The following SLC25A52 variants were observed in gnomAD, a reference collection of about 807,000 sequenced individuals.
The protein encoded by SLC25A52 is mitochondrial nicotinamide adenine dinucleotide transporter SLC25A52.
SLC25A52 carries 12 observed loss-of-function variants against 17.7 expected under a neutral mutation model. That is an observed-to-expected ratio of 0.68 (90% CI 0.43 to 1.10). The LOEUF (loss-of-function observed/expected upper bound fraction) is 1.10. Among genes scored for constraint, SLC25A52 ranks in the 50% least tolerant of loss-of-function variants. The probability of loss-of-function intolerance (pLI) is 0.00; values close to 1 mark genes in which losing one functional copy is unlikely to be tolerated. For synonymous variants in SLC25A52, 108 were observed against 135.1 expected, an observed-to-expected ratio of 0.80 and a Z score of 1.39; for missense variants, 298 against 364.9, an observed-to-expected ratio of 0.82 and a Z score of 1.49.
In SLC25A52 at chr18:31,760,661, TG is replaced by T; in HGVS notation, c.-1del. On this transcript the variant is annotated 5_prime_UTR_variant, in exon 1 of 1. Transcript: ENST00000269205. ...TTTTCATGAGCTTCTGAATCTATCA[TG>T]TTGCTTAAGATCTTTCTCATGAAGG... The T allele has an allele frequency of 6.2e-7, 1 of 1,600,806 alleles. No individual in the cohort carries two copies. Among genetic ancestry groups the T allele is most frequent in the South Asian group, 1.1e-5 (1 of 88,518 alleles).
In SLC25A52 at chr18:31,760,114, T is replaced by C; in HGVS notation, c.548A>G (p.Asn183Ser). 1 of 1,612,444 alleles carries C rather than the reference T, an allele frequency of 6.2e-7. No homozygotes were observed. Among genetic ancestry groups the C allele is most frequent in the Non-Finnish European group, 8.5e-7 (1 of 1,179,840 alleles). Reference sequence around the variant, plus strand: ...GAAAAACAAGACATTGCTGAGTCCATTCCGGAAAAGAATGGGCACCAAGCC... The same window carrying C: ...GAAAAACAAGACATTGCTGAGTCCACTCCGGAAAAGAATGGGCACCAAGCC... ...YRGLVPILFR[N>S]GLSNVLFFGL... is the part of the protein sequence containing the mutation. Residue 183 changes from asparagine to serine, a missense_variant, in exon 1 of 1, where the codon AAT (asparagine) becomes AGT (serine). Physicochemically the swap from Asn to Ser is conservative, Grantham distance 46. Transcript: ENST00000269205.
At position 31,760,807 on chromosome 18, in the gene SLC25A52, T is replaced by C; in HGVS notation, c.-146A>G. ...GTTAGGTTCTCTCTTCCCGAGTCCA[T>C]TTTGATAACTGGATTTCCGTTCTCC... On this transcript the variant is annotated 5_prime_UTR_variant, in exon 1 of 1. The change abolishes an upstream ATG in the 5' untranslated region. Coordinates refer to ENST00000269205, the MANE Select transcript of SLC25A52 (RefSeq NM_001034172.4). 1.7e-6 allele frequency: 2 copies of C among 1,153,048 alleles called. No homozygotes were observed. Among genetic ancestry groups the C allele is most frequent in the Non-Finnish European group, 2.4e-6 (2 of 821,000 alleles). The allele number at this position is 1,153,048 out of a possible 1,614,324, so 71.4% of individuals were successfully genotyped here. A position where few individuals can be genotyped will look rare whatever the true frequency, so the allele number is the denominator to read the frequency against.
Position 31,760,416 on chromosome 18 carries a change from A to G in SLC25A52, c.246T>C (p.Arg82=). 1 of 1,614,248 alleles carries G rather than the reference A, an allele frequency of 6.2e-7. No individual in the cohort carries two copies. The highest frequency in any genetic ancestry group is 8.5e-7 in the Non-Finnish European group (1 of 1,180,050). The change falls in exon 1 of 1, where the codon CGT becomes CGC. Residue 82 remains arginine, a synonymous_variant. Transcript: ENST00000269205. ...LRRDGFRNLY[R]GILPPLMQKT... is the part of the protein sequence containing the mutation. ...TCTGCATCAATGGGGGAAGGATTCC[A>G]CGATACAAATTTCGAAATCCATCCC...
rs375725336 is a variant in SLC25A52 at position 31,759,761 on chromosome 18, T to C, written c.*7A>G. The stretch of plus-strand genomic sequence containing the variant: ...TTGATAAATGGCACTTAACTGATGG[T>C]TTTTTTTCATATAAATTTTAACAAG... On this transcript the variant is annotated 3_prime_UTR_variant, in exon 1 of 1. Coordinates refer to ENST00000269205, the MANE Select transcript of SLC25A52 (RefSeq NM_001034172.4). 3.1e-6 allele frequency: 5 copies of C among 1,597,298 alleles called. No individual in the cohort carries two copies. Among genetic ancestry groups the C allele is most frequent in the Non-Finnish European group, 4.3e-6 (5 of 1,173,898 alleles).
In SLC25A52 at chr18:31,760,505, T is replaced by C. The variant is rs1321070052; in HGVS notation, c.157A>G (p.Lys53Glu). 1 of 1,614,174 alleles carries C rather than the reference T, an allele frequency of 6.2e-7. No individual in the cohort carries two copies. ...TACAGCTGTTGCCGAAAGAGGACCT[T>C]CTGAATGGGATATGTGATTGCGACG... Reference protein sequence around the residue: ...NNVAITYPIQKVLFRQQLYGI... With the variant: ...NNVAITYPIQEVLFRQQLYGI... The change falls in exon 1 of 1, where the codon AAG becomes GAG. Residue 53 changes from lysine (K) to glutamate (E), a missense_variant. By Grantham distance (56) the Lys-to-Glu change is moderately conservative. Coordinates refer to ENST00000269205, the MANE Select transcript of SLC25A52 (RefSeq NM_001034172.4).
rs1367260283 is a variant in SLC25A52 at position 31,759,773 on chromosome 18, T to A, written c.889A>T (p.Ile297Leu). ...ACTTAACTGATGGTTTTTTTTCATA[T>A]AAATTTTAACAAGAACTCATAAGTT... is the stretch of plus-strand genomic sequence containing the variant. ...NATYEFLLKF[I>L] is the part of the protein sequence containing the mutation. The change falls in exon 1 of 1, where the codon ATA (isoleucine) becomes TTA (leucine). Residue 297 changes from isoleucine to leucine, a missense_variant. Ile to Leu is a conservative substitution (Grantham distance 5). Transcript: ENST00000269205. The A allele has an allele frequency of 6.3e-7, 1 of 1,599,942 alleles. No homozygotes were observed. Among genetic ancestry groups the A allele is most frequent in the East Asian group, 2.2e-5 (1 of 44,786 alleles).
chr18:31,759,964 T>C lies in SLC25A52; in HGVS notation c.698A>G (p.Asn233Ser), dbSNP rs777015977. The C allele has an allele frequency of 1.9e-6, 3 of 1,611,862 alleles. No homozygotes were observed. In the South Asian group the frequency reaches 3.3e-5, roughly 18 times the overall value. ...AGACTGTAGGCGAGTTTTTACAACA[T>C]TAATTGGAAAACACAAGAATCCCAA... ...AMLGFLCFPI[N>S]VVKTRLQSQI... Residue 233 changes from asparagine (N) to serine (S), a missense_variant, in exon 1 of 1, where the codon AAT becomes AGT. Asn to Ser is a conservative substitution (Grantham distance 46, BLOSUM62 1). Transcript: ENST00000269205.
In SLC25A52 at chr18:31,760,115, T is replaced by C. The variant is rs764877278; in HGVS notation, c.547A>G (p.Asn183Asp). Residue 183 changes from asparagine to aspartate, a missense_variant, in exon 1 of 1, where the codon AAT becomes GAT. By Grantham distance (23) the Asn-to-Asp change is conservative. Coordinates refer to ENST00000269205, the MANE Select transcript of SLC25A52 (RefSeq NM_001034172.4). ...YRGLVPILFRNGLSNVLFFGL... is the reference protein window; with the variant it reads ...YRGLVPILFRDGLSNVLFFGL... Reference sequence around the variant, plus strand: ...AAAAACAAGACATTGCTGAGTCCATTCCGGAAAAGAATGGGCACCAAGCCT... The same window carrying C: ...AAAAACAAGACATTGCTGAGTCCATCCCGGAAAAGAATGGGCACCAAGCCT... 1.9e-6 allele frequency: 3 copies of C among 1,612,392 alleles called. No individual in the cohort carries two copies. The highest frequency in any genetic ancestry group is 2.5e-6 in the Non-Finnish European group (3 of 1,179,836).
At position 31,760,841 on chromosome 18, in the gene SLC25A52, A is replaced by G; in HGVS notation, c.-180T>C. The stretch of plus-strand genomic sequence containing the variant: ...CTGGATTTCCGTTCTCCAGGCGTCC[A>G]TTTCCCCAACCCATCGCCGCCGGCG... On this transcript the variant is annotated 5_prime_UTR_variant, in exon 1 of 1. The change abolishes an upstream ATG in the 5' untranslated region. Coordinates refer to ENST00000269205, the MANE Select transcript of SLC25A52 (RefSeq NM_001034172.4). The G allele has an allele frequency of 1.0e-6, 1 of 967,130 alleles. No homozygotes were observed. Among genetic ancestry groups the G allele is most frequent in the South Asian group, 1.8e-5 (1 of 55,504 alleles). 59.9% of individuals were successfully genotyped at this position (967,130 alleles called of 1,614,324 possible). A position where few individuals can be genotyped will look rare whatever the true frequency, so the allele number is the denominator to read the frequency against.
chr18:31,760,171 A>G lies in SLC25A52; in HGVS notation c.491T>C (p.Leu164Pro). ...ATACTCTCCAATTCCATGACATTTC[A>G]GTGCCTTGAAAGCCTGATAAGTGTT... ...FTNTYQAFKA[L>P]KCHGIGEYYR... Residue 164 changes from leucine (L) to proline (P), a missense_variant, in exon 1 of 1, where the codon CTG becomes CCG. Coordinates refer to ENST00000269205, the MANE Select transcript of SLC25A52 (RefSeq NM_001034172.4). 1.2e-6 allele frequency: 2 copies of G among 1,613,942 alleles called. No individual in the cohort carries two copies. Among genetic ancestry groups the G allele is most frequent in the Non-Finnish European group, 1.7e-6 (2 of 1,179,872 alleles).
Position 31,759,822 on chromosome 18 carries a change from G to A in SLC25A52, c.840C>T (p.Leu280=). The part of the protein sequence containing the change: ...RGAHLNYHRS[L]ISWGIINATY... The stretch of plus-strand genomic sequence containing the variant: ...TTGCATTGATTATGCCCCAAGAGAT[G>A]AGGGACCGATGGTAATTCAGATGGG... The change falls in exon 1 of 1, where the codon CTC becomes CTT. Residue 280 remains leucine (L), a synonymous_variant. Transcript: ENST00000269205. The A allele has an allele frequency of 1.9e-6, 3 of 1,605,906 alleles. No homozygotes were observed. The highest frequency in any genetic ancestry group is 2.5e-6 in the Non-Finnish European group (3 of 1,177,068).
At position 31,759,826 on chromosome 18, in the gene SLC25A52, G is replaced by A; in HGVS notation, c.836C>T (p.Ser279Phe). The A allele has an allele frequency of 6.2e-7, 1 of 1,607,078 alleles. No individual in the cohort carries two copies. Among genetic ancestry groups the A allele is most frequent in the Non-Finnish European group, 8.5e-7 (1 of 1,177,208 alleles). ...ATTGATTATGCCCCAAGAGATGAGGGACCGATGGTAATTCAGATGGGCACC... is the reference window on the plus strand; with the variant it reads ...ATTGATTATGCCCCAAGAGATGAGGAACCGATGGTAATTCAGATGGGCACC... Reference protein sequence around the residue: ...FRGAHLNYHRSLISWGIINAT... With the variant: ...FRGAHLNYHRFLISWGIINAT... The change falls in exon 1 of 1, where the codon TCC (serine) becomes TTC (phenylalanine). Residue 279 changes from serine to phenylalanine, a missense_variant. Coordinates refer to ENST00000269205, the MANE Select transcript of SLC25A52 (RefSeq NM_001034172.4).
Position 31,760,191 on chromosome 18 carries a change from A to C in SLC25A52, c.471T>G (p.Thr157=). The C allele has an allele frequency of 6.2e-7, 1 of 1,613,954 alleles. No individual in the cohort carries two copies. Among genetic ancestry groups the C allele is most frequent in the Non-Finnish European group, 8.5e-7 (1 of 1,179,864 alleles). ...NHKHHDKFTN[T]YQAFKALKCH... is the part of the protein sequence containing the mutation. ...ATTTCAGTGCCTTGAAAGCCTGATAAGTGTTGGTAAATTTGTCATGATGCT... is the reference window on the plus strand; with the variant it reads ...ATTTCAGTGCCTTGAAAGCCTGATACGTGTTGGTAAATTTGTCATGATGCT... The change falls in exon 1 of 1, where the codon ACT becomes ACG. Residue 157 remains threonine, a synonymous_variant. Transcript: ENST00000269205.
Position 31,760,153 on chromosome 18 carries a change from C to G in SLC25A52, c.509G>C (p.Gly170Ala). Residue 170 changes from glycine (G) to alanine (A), a missense_variant, in exon 1 of 1, where the codon GGA (glycine) becomes GCA (alanine). Gly to Ala is a moderately conservative substitution (Grantham distance 60). Coordinates refer to ENST00000269205, the MANE Select transcript of SLC25A52 (RefSeq NM_001034172.4). ...AFKALKCHGI[G>A]EYYRGLVPIL... The stretch of plus-strand genomic sequence containing the variant: ...GGGCACCAAGCCTCGATAATACTCT[C>G]CAATTCCATGACATTTCAGTGCCTT... 1 of 1,613,726 alleles carries G rather than the reference C, an allele frequency of 6.2e-7. No homozygotes were observed. The highest frequency in any genetic ancestry group is 8.5e-7 in the Non-Finnish European group (1 of 1,179,874).
chr18:31,760,634 T>C lies in SLC25A52; in HGVS notation c.28A>G (p.Arg10Gly). MIDSEAHEK[R>G]PPILTSSKQD... Reference sequence around the variant, plus strand: ...TTTGAAGATGTAAGTATTGGTGGCCTCTTTTCATGAGCTTCTGAATCTATC... The same window carrying C: ...TTTGAAGATGTAAGTATTGGTGGCCCCTTTTCATGAGCTTCTGAATCTATC... Residue 10 changes from arginine to glycine, a missense_variant, in exon 1 of 1, where the codon AGG (arginine) becomes GGG (glycine). Coordinates refer to ENST00000269205, the MANE Select transcript of SLC25A52 (RefSeq NM_001034172.4). 2 of 1,611,638 alleles carry C rather than the reference T, an allele frequency of 1.2e-6. No homozygotes were observed. Among genetic ancestry groups the C allele is most frequent in the Non-Finnish European group, 1.7e-6 (2 of 1,179,048 alleles).
At position 31,759,987 on chromosome 18, in the gene SLC25A52, C is replaced by T; in HGVS notation, c.675G>A (p.Leu225=). The T allele has an allele frequency of 2.5e-6, 4 of 1,611,850 alleles. No homozygotes were observed. The highest frequency in any genetic ancestry group is 3.4e-6 in the Non-Finnish European group (4 of 1,179,778). Residue 225 remains leucine (L), a synonymous_variant, in exon 1 of 1, where the codon TTG becomes TTA. Transcript: ENST00000269205. ...CATTAATTGGAAAACACAAGAATCC[C>T]AACATGGCACCCAATAGACCTCCAC... is the stretch of plus-strand genomic sequence containing the variant. ...FIGGGLLGAM[L]GFLCFPINVV... is the part of the protein sequence containing the mutation.
chr18:31,759,611 T>G lies in SLC25A52; in HGVS notation c.*157A>C. 2.6e-6 allele frequency: 2 copies of G among 769,642 alleles called. No homozygotes were observed. The highest frequency in any genetic ancestry group is 4.0e-6 in the Non-Finnish European group (2 of 501,650). The allele number at this position is 769,642 out of a possible 1,614,324, so 47.7% of individuals were successfully genotyped here. On this transcript the variant is annotated 3_prime_UTR_variant, in exon 1 of 1. Transcript: ENST00000269205. Reference sequence around the variant, plus strand: ...TTCCTATTGGAACCTTTTATTCTGTTTTGTTGATGCTTAAGGAAAACAGCT... The same window carrying G: ...TTCCTATTGGAACCTTTTATTCTGTGTTGTTGATGCTTAAGGAAAACAGCT...
At position 31,760,569 on chromosome 18, in the gene SLC25A52, C is replaced by T; in HGVS notation, c.93G>A (p.Met31Ile). 6.2e-7 allele frequency: 1 copy of T among 1,614,170 alleles called. No individual in the cohort carries two copies. Among genetic ancestry groups the T allele is most frequent in the South Asian group, 1.1e-5 (1 of 91,078 alleles). Residue 31 changes from methionine (M) to isoleucine (I), a missense_variant, in exon 1 of 1, where the codon ATG becomes ATA. Transcript: ENST00000269205. Reference sequence around the variant, plus strand: ...CACAGCAGCCACACAAGTAATGCTTCATTTCACCAACATTTGTAATATGAG... The same window carrying T: ...CACAGCAGCCACACAAGTAATGCTTTATTTCACCAACATTTGTAATATGAG... ...ISPHITNVGE[M>I]KHYLCGCCAA...
In SLC25A52 at chr18:31,759,828, C is replaced by T. The variant is rs772351220; in HGVS notation, c.834G>A (p.Arg278=). Residue 278 remains arginine (R), a synonymous_variant, in exon 1 of 1, where the codon CGG becomes CGA. Coordinates refer to ENST00000269205, the MANE Select transcript of SLC25A52 (RefSeq NM_001034172.4). ...TGATTATGCCCCAAGAGATGAGGGACCGATGGTAATTCAGATGGGCACCTC... is the reference window on the plus strand; with the variant it reads ...TGATTATGCCCCAAGAGATGAGGGATCGATGGTAATTCAGATGGGCACCTC... ...LFRGAHLNYH[R]SLISWGIINA... The T allele has an allele frequency of 6.2e-7, 1 of 1,607,324 alleles. No individual in the cohort carries two copies. The highest frequency in any genetic ancestry group is 8.5e-7 in the Non-Finnish European group (1 of 1,177,222).
Sources: gnomAD v4.1 joint callset for allele counts on GRCh38, gnomAD v4.1.1 for gene constraint, MANE v1.5 for transcripts, NCBI Gene and HGNC (gene_info 2026-07-23, HGNC 2026-07-21) for gene names.